Variants in GRID2 observed in about 807,000 individuals in gnomAD.
The protein encoded by GRID2 is glutamate ionotropic receptor delta type subunit 2.
GRID2 carries 33 observed loss-of-function variants against 114.8 expected under a neutral mutation model. The observed-to-expected ratio is 0.29, with a 90% CI of 0.22 to 0.38. The LOEUF (loss-of-function observed/expected upper bound fraction) is 0.38, where lower values mean the gene tolerates loss of function less well. Ranked by LOEUF, GRID2 falls within the 10% of genes least tolerant of loss-of-function variation. The probability of loss-of-function intolerance (pLI) is 1.00; values close to 1 mark genes in which losing one functional copy is unlikely to be tolerated. For synonymous variants in GRID2, 505 were observed against 449.9 expected (o/e 1.12, Z -1.55); for missense variants, 1,184 against 1,257.7 (o/e 0.94, Z 0.89).
At chr4:93,208,144 A>G (rs1280833867) in intron 5 of GRID2, among the ~76,000 whole-genome samples, 1 of 151,984 alleles carries the variant, frequency 6.6e-6, no homozygotes, top group African/African-American at 2.4e-5. Context: ...ACTTGGTCAT[A>G]CCTATTATTT....
At chr4:92,970,182 T>TGCCATAGA in intron 2 of GRID2, among the ~76,000 whole-genome samples, 1 of 151,922 alleles carries the variant, frequency 6.6e-6, no homozygotes, top group South Asian at 2.1e-4. Flanking sequence ...AGTGCAGAGA[T>TGCCATAGA]GTGGTAGGAG....
intron 1 of GRID2, among the ~76,000 whole-genome samples, chr4:92,506,270 T>C (rs1723966846): frequency 1.3e-5 from 2 of 151,972 alleles, no homozygotes; most frequent in South Asian, 4.1e-4. Context: ...GATTCTGTGA[T>C]AAATGAGTTG....
At chr4:92,394,795 T>C (rs888065338) in intron 1 of GRID2, among the ~76,000 whole-genome samples, 2 of 151,878 alleles carry the variant, frequency 1.3e-5, no homozygotes, top group Non-Finnish European at 2.9e-5. Context: ...TTGAAATAAA[T>C]TTGTTTATGT....
chr4:92,864,320 T>C (rs1226713221), intron 2 of GRID2, among the ~76,000 whole-genome samples: 1 of 152,206 alleles, frequency 6.6e-6, no homozygotes, highest in Non-Finnish European at 1.5e-5. Context: ...GCTTGGCATA[T>C]GCTGACACTT....
chr4:93,518,729 A>T (rs1730050440), intron 13 of GRID2, among the ~76,000 whole-genome samples: 2 of 152,070 alleles, frequency 1.3e-5, no homozygotes, highest in Admixed American at 1.3e-4. Flanking sequence ...GGCTTCACTA[A>T]GAAAATAACA....
At chr4:92,889,138 T>G (rs537720778) in intron 2 of GRID2, among the ~76,000 whole-genome samples, 1 of 152,310 alleles carries the variant, frequency 6.6e-6, no homozygotes, top group Non-Finnish European at 1.5e-5. Flanking sequence ...GAAATAAACC[T>G]TTATATATAG....
At chr4:92,764,607 C>T (rs2149347577) in intron 2 of GRID2, among the ~76,000 whole-genome samples, 1 of 152,232 alleles carries the variant, frequency 6.6e-6, no homozygotes, top group Admixed American at 6.5e-5. Context: ...CTGTCATTAA[C>T]ATCTATACCC....
chr4:93,127,151 G>A (rs985797367), intron 4 of GRID2, among the ~76,000 whole-genome samples: 3 of 152,142 alleles, frequency 2.0e-5, no homozygotes, highest in African/African-American at 4.8e-5. Flanking sequence ...TAATTAGGTA[G>A]ATCGTTTGCA....
At chr4:93,424,110 TACTC>T (rs145881609) in intron 10 of GRID2, among the ~76,000 whole-genome samples, 2,197 of 152,210 alleles carry the variant, frequency 0.014, 16 homozygotes, top group South Asian at 0.058. Flanking sequence ...ATTTTATTTG[TACTC>T]ACTCCTTTTT....
At chr4:92,915,194 G>T (rs1013077314) in intron 2 of GRID2, among the ~76,000 whole-genome samples, 1 of 152,068 alleles carries the variant, frequency 6.6e-6, no homozygotes, top group African/African-American at 2.4e-5. Flanking sequence ...GGGGGAAACC[G>T]CCCCCATTAT....
intron 2 of GRID2, chr4:92,822,262 TGA>T (rs1260548365): frequency 2.0e-4 from 117 of 571,950 alleles, no homozygotes; most frequent in Non-Finnish European, 6.6e-5. Flanking sequence ...TTGCCTTTGT[TGA>T]GATCGCATGG....
chr4:92,383,355 T>C (rs1209497785), intron 1 of GRID2, among the ~76,000 whole-genome samples: 5 of 152,068 alleles, frequency 3.3e-5, no homozygotes, highest in Non-Finnish European at 7.4e-5. Flanking sequence ...TTTCTAAGTA[T>C]TGTAATTCCT....
intron 2 of GRID2, among the ~76,000 whole-genome samples, chr4:92,981,092 C>T (rs1314753659): frequency 1.3e-5 from 2 of 152,004 alleles, no homozygotes; most frequent in Non-Finnish European, 2.9e-5. Flanking sequence ...TTGCTCATTA[C>T]CCATGCCTCA....
chr4:92,490,277 T>C (rs926528738), intron 1 of GRID2, among the ~76,000 whole-genome samples: 10 of 152,184 alleles, frequency 6.6e-5, no homozygotes, highest in Non-Finnish European at 4.4e-5. Flanking sequence ...ATTTGGATGG[T>C]GTAGGTTTGT....
chr4:92,639,635 T>A (rs1020705640), intron 2 of GRID2, among the ~76,000 whole-genome samples: 5 of 151,552 alleles, frequency 3.3e-5, no homozygotes, highest in African/African-American at 1.2e-4. Flanking sequence ...TAAGATGTTA[T>A]GAAATGGGGG....
chr4:92,355,252 T>C (rs1471238786), intron 1 of GRID2, among the ~76,000 whole-genome samples: 2 of 151,886 alleles, frequency 1.3e-5, no homozygotes. Flanking sequence ...AGAATGGCTG[T>C]AGATTTTTCT....
intron 2 of GRID2, among the ~76,000 whole-genome samples, chr4:92,918,299 A>G (rs550925712): frequency 6.6e-6 from 1 of 152,326 alleles, no homozygotes; most frequent in South Asian, 2.1e-4. Context: ...ATCTGCAAAC[A>G]GGGACAATTT....
chr4:92,676,475 C>T (rs554862775), intron 2 of GRID2, among the ~76,000 whole-genome samples: 3 of 152,140 alleles, frequency 2.0e-5, no homozygotes, highest in Non-Finnish European at 2.9e-5. Flanking sequence ...CCACCACGCC[C>T]GGCTGAGCCT....
At chr4:92,576,097 G>A (rs1203071505) in intron 1 of GRID2, among the ~76,000 whole-genome samples, 5 of 152,174 alleles carry the variant, frequency 3.3e-5, no homozygotes, top group Admixed American at 6.5e-5. Context: ...GCCTTTGCCC[G>A]AGGGCACTCT....
Sources: gnomAD v4.1 joint callset for allele counts (sites outside exome capture counted in the v4.1 genomes callset) on GRCh38, gnomAD v4.1.1 for gene constraint, MANE v1.5 for transcripts, NCBI Gene and HGNC (gene_info 2026-07-23, HGNC 2026-07-21) for gene names.